Variants in ATP10A observed in about 807,000 individuals in gnomAD.
ATP10A encodes phospholipid-transporting ATPase VA.
In ATP10A, 111 loss-of-function variants were observed where a neutral mutation model predicts 147.8. That is an observed-to-expected ratio of 0.75 (90% confidence interval 0.64 to 0.88). The LOEUF is 0.88. Ranked by LOEUF, ATP10A falls within the 40% of genes least tolerant of loss-of-function variation. ATP10A has a pLI of 0.00. For synonymous variants in ATP10A, 875 were observed against 841.6 expected (o/e 1.04, Z -0.69); for missense variants, 1,927 against 1,959.0 (o/e 0.98, Z 0.31).
Position 25,789,918 on chromosome 15 carries a change from G to T in ATP10A, c.450-8695C>A, listed in dbSNP as rs533828972. ...AAACATTGTCAAATGCCTCCTGGGG[G>T]TGCAAAATCGCTCCCGGTTGAGAAA... On this transcript the variant is annotated intron_variant, in intron 1 of 20. Transcript: ENST00000555815. Among the ~76,000 whole-genome samples, 12 of 152,244 alleles carry T rather than the reference G, an allele frequency of 7.9e-5. No individual in the cohort carries two copies. In the East Asian group the frequency reaches 2.3e-3, roughly 29 times the overall value.
In ATP10A at chr15:25,695,062, T is replaced by G. The variant is rs1400188916; in HGVS notation, c.2845A>C (p.Lys949Gln). Residue 949 changes from lysine to glutamine, a missense_variant, in exon 14 of 21, where the codon AAA (lysine) becomes CAA (glutamine). Coordinates refer to ENST00000555815, the MANE Select transcript of ATP10A (RefSeq NM_024490.4). ...LQRAPEKTKG[K>Q]VSMRFSSLCP... ...AGAGAGGAGAACCTCATGCTCACTT[T>G]GCCCTTGGTCTTCTCAGGGGCTCTC... 5.0e-6 allele frequency: 8 copies of G among 1,614,082 alleles called. No homozygotes were observed. The highest frequency in any genetic ancestry group is 1.6e-4 in the Middle Eastern group (1 of 6,084).
intron 14 of ATP10A, among the ~76,000 whole-genome samples, chr15:25,692,700 G>A (rs984389297): frequency 2.6e-5 from 4 of 152,146 alleles, no homozygotes; most frequent in East Asian, 3.9e-4. Context: ...AATGAGATAC[G>A]GTAAAACATG....
rs141872654 is a variant in ATP10A, at chr15:25,788,566, C to G, written c.450-7343G>C. On this transcript the variant is annotated intron_variant, in intron 1 of 20. Coordinates refer to ENST00000555815, the MANE Select transcript of ATP10A (RefSeq NM_024490.4). ...TCACATCTCCTGTTTTCTTTTTGAG[C>G]ATGGTTTTTCCTCACTATTATTGTT... 4.1e-3 allele frequency among the ~76,000 whole-genome samples: 624 copies of G among 152,346 alleles called. 6 individuals are homozygous for G. Among genetic ancestry groups the G allele is most frequent in the African/African-American group, 0.015 (604 of 41,578 alleles).
At chr15:25,748,021 G>A (rs942228158) in intron 2 of ATP10A, among the ~76,000 whole-genome samples, 2 of 151,816 alleles carry the variant, frequency 1.3e-5, no homozygotes, top group African/African-American at 4.8e-5. Flanking sequence ...CTGGAGTACA[G>A]TGGCGATCTT....
intron 1 of ATP10A, among the ~76,000 whole-genome samples, chr15:25,837,828 C>T (rs936923700): frequency 6.6e-6 from 1 of 152,086 alleles, no homozygotes; most frequent in Non-Finnish European, 1.5e-5. Flanking sequence ...CTCAGGAGCA[C>T]GTGGCAGGCT....
chr15:25,783,841 C>T (rs1890040449), intron 1 of ATP10A, among the ~76,000 whole-genome samples: 1 of 152,160 alleles, frequency 6.6e-6, no homozygotes, highest in African/African-American at 2.4e-5. Context: ...ACCTGCAGGC[C>T]ATGTGGTCCC....
At chr15:25,822,996 GA>G (rs1344358420) in intron 1 of ATP10A, among the ~76,000 whole-genome samples, 1 of 151,084 alleles carries the variant, frequency 6.6e-6, no homozygotes, top group African/African-American at 2.4e-5. Flanking sequence ...TCAAGGACAT[GA>G]AAAAAATAAG....
chr15:25,680,738 G>T, intron 19 of ATP10A, 72 bp downstream of exon 19: 1 of 1,413,762 alleles, frequency 7.1e-7, no homozygotes, highest in Non-Finnish European at 1.0e-6. Flanking sequence ...CAGACCTCAT[G>T]AATCTGCAGG....
At chr15:25,681,181 C>CAAG in intron 17 of ATP10A, 107 bp from the exon 18 acceptor site, 1 of 1,126,704 alleles carries the variant, frequency 8.9e-7, no homozygotes, top group Non-Finnish European at 1.3e-6. Flanking sequence ...ACAACAATAA[C>CAAG]AACAAAAACC....
intron 1 of ATP10A, among the ~76,000 whole-genome samples, chr15:25,838,586 A>G (rs1191064143): frequency 6.6e-6 from 1 of 152,196 alleles, no homozygotes; most frequent in Non-Finnish European, 1.5e-5. Flanking sequence ...TCCTAGAATC[A>G]TATTTTAGTA....
chr15:25,802,832 G>T (rs900686221), intron 1 of ATP10A, among the ~76,000 whole-genome samples: 1 of 152,166 alleles, frequency 6.6e-6, no homozygotes, highest in Non-Finnish European at 1.5e-5. Flanking sequence ...TCACTGAGAA[G>T]CTCCTGACTT....
intron 5 of ATP10A, 68 bp from the exon 6 acceptor site, chr15:25,724,089 T>G: frequency 7.1e-7 from 1 of 1,402,978 alleles, no homozygotes; most frequent in South Asian, 1.7e-5. Flanking sequence ...TAGCGTATAT[T>G]AAAGCAAAAC....
chr15:25,762,476 T>G (rs1461664425), intron 2 of ATP10A, among the ~76,000 whole-genome samples: 1 of 152,190 alleles, frequency 6.6e-6, no homozygotes, highest in East Asian at 1.9e-4. Context: ...AGACTGTGTC[T>G]CACTGTGTTG....
chr15:25,859,090 T>C (rs533594366), intron 1 of ATP10A, among the ~76,000 whole-genome samples: 10 of 152,180 alleles, frequency 6.6e-5, no homozygotes, highest in Non-Finnish European at 1.5e-4. Flanking sequence ...AGGCACAAAG[T>C]CTTCTTCTGA....
chr15:25,720,626 C>T (rs141722241), intron 7 of ATP10A, among the ~76,000 whole-genome samples: 193 of 152,104 alleles, frequency 1.3e-3, no homozygotes, highest in African/African-American at 4.5e-3. Context: ...GAGAGGGAGG[C>T]CGAAGGAGGC....
chr15:25,821,399 C>CA (rs199762961), intron 1 of ATP10A, among the ~76,000 whole-genome samples: 20,145 of 119,540 alleles, frequency 0.17, 1,430 homozygotes, highest in South Asian at 0.26. Context: ...TCAAAAAAAA[C>CA]AAAAAAAAAA....
intron 1 of ATP10A, among the ~76,000 whole-genome samples, chr15:25,793,885 T>C (rs1015090136): frequency 6.6e-6 from 1 of 152,204 alleles, no homozygotes; most frequent in South Asian, 2.1e-4. Context: ...TGCTCTGCTC[T>C]GTGGGACTCA....
chr15:25,743,070 T>G (rs1887655847), intron 2 of ATP10A, among the ~76,000 whole-genome samples: 1 of 152,108 alleles, frequency 6.6e-6, no homozygotes, highest in Non-Finnish European at 1.5e-5. Context: ...GTGCACAGCG[T>G]AAGAGGGGTC....
Position 25,680,987 on chromosome 15 carries a change from A to C in ATP10A, c.3573+7T>G. ...GTAAGAAAAACTGCACCCAGGGGCCAACTTACCAGGTAAGGAATGGAAAAG... is the reference window on the plus strand; with the variant it reads ...GTAAGAAAAACTGCACCCAGGGGCCCACTTACCAGGTAAGGAATGGAAAAG... On this transcript the variant is annotated splice_region_variant and intron_variant, in intron 18 of 20. Transcript: ENST00000555815. The C allele has an allele frequency of 6.2e-7, 1 of 1,614,142 alleles. No homozygotes were observed. The highest frequency in any genetic ancestry group is 2.2e-5 in the East Asian group (1 of 44,868).
Sources: allele counts gnomAD v4.1 joint callset (sites outside exome capture counted in the v4.1 genomes callset), GRCh38; gene constraint gnomAD v4.1.1; transcripts MANE v1.5; gene names NCBI Gene and HGNC (gene_info 2026-07-23, HGNC 2026-07-21).